AUTS2: variants seen among roughly 807,000 people sequenced by gnomAD.
The protein encoded by AUTS2 is activator of transcription and developmental regulator AUTS2, also known as autism susceptibility gene 2 protein.
Under a neutral mutation model 112.4 loss-of-function variants are expected in AUTS2, and 17 were observed. That is an observed-to-expected ratio of 0.15 (90% CI 0.10 to 0.23). AUTS2 has a LOEUF of 0.23. Among genes scored for constraint, AUTS2 ranks in the 10% least tolerant of loss-of-function variants. AUTS2 has a pLI of 1.00. For synonymous variants in AUTS2, 751 were observed against 702.7 expected (o/e 1.07, Z -1.09); for missense variants, 1,510 against 1,701.6 (o/e 0.89, Z 1.98).
chr7:70,053,657 A>G (rs1801863272), intron 2 of AUTS2, among the ~76,000 whole-genome samples: 1 of 151,092 alleles, frequency 6.6e-6, no homozygotes, highest in Non-Finnish European at 1.5e-5. Flanking sequence ...CTTCCACCTC[A>G]TCCTCTTGAA....
chr7:70,625,822 G>A (rs1046483425), intron 5 of AUTS2, among the ~76,000 whole-genome samples: 3 of 152,170 alleles, frequency 2.0e-5, no homozygotes, highest in Admixed American at 6.6e-5. Flanking sequence ...TTAATTGGTG[G>A]TTTTAAACTA....
chr7:69,639,073 CCTT>C (rs1165303194), intron 1 of AUTS2, among the ~76,000 whole-genome samples: 8 of 152,100 alleles, frequency 5.3e-5, no homozygotes, highest in African/African-American at 1.9e-4. Context: ...AGCCTTTCCC[CCTT>C]CTTAGTGAAT....
intron 1 of AUTS2, chr7:69,825,948 G>A (rs543610434): frequency 3.7e-4 from 57 of 152,304 alleles, no homozygotes; most frequent in African/African-American, 1.3e-3. Context: ...TTGTGGTTCT[G>A]CACTCCAACT....
intron 5 of AUTS2, among the ~76,000 whole-genome samples, chr7:70,586,318 C>G (rs930336943): frequency 1.3e-5 from 2 of 152,162 alleles, no homozygotes; most frequent in Non-Finnish European, 2.9e-5. Flanking sequence ...ATTTCTCCAG[C>G]TATATGGTGG....
At chr7:69,802,775 C>T (rs1790141363) in intron 1 of AUTS2, among the ~76,000 whole-genome samples, 1 of 152,120 alleles carries the variant, frequency 6.6e-6, no homozygotes, top group African/African-American at 2.4e-5. Flanking sequence ...TTTAATGCTC[C>T]TTAGGACTTG....
chr7:70,560,470 T>C (rs1303675926), intron 5 of AUTS2, among the ~76,000 whole-genome samples: 1 of 152,264 alleles, frequency 6.6e-6, no homozygotes, highest in Non-Finnish European at 1.5e-5. Context: ...ATGTTTGGGC[T>C]GGAAGCAAAT....
chr7:69,955,252 C>G (rs1797168949), intron 2 of AUTS2, among the ~76,000 whole-genome samples: 1 of 152,032 alleles, frequency 6.6e-6, no homozygotes, highest in African/African-American at 2.4e-5. Flanking sequence ...CTTTACAGAC[C>G]ATTATCTCTT....
chr7:70,650,993 G>A (rs563298996), intron 5 of AUTS2, among the ~76,000 whole-genome samples: 2 of 152,308 alleles, frequency 1.3e-5, no homozygotes, highest in South Asian at 2.1e-4. Flanking sequence ...GAGGAAGTCC[G>A]AATGGGATGA....
rs180966786 is a variant in AUTS2 at position 70,288,141 on chromosome 7, G to A, written c.661-147611G>A. 3.9e-4 allele frequency among the ~76,000 whole-genome samples: 60 copies of A among 152,218 alleles called. No individual in the cohort carries two copies. The East Asian group carries it at 8.7e-3, about 22-fold the overall frequency. ...TTAAGAGCTCTACCAGGCCAGACGC[G>A]GTGACTCACGCCTGTAATCCCAGCA... On this transcript the variant is annotated intron_variant, in intron 4 of 18. Coordinates refer to ENST00000342771, the MANE Select transcript of AUTS2 (RefSeq NM_015570.4).
intron 5 of AUTS2, among the ~76,000 whole-genome samples, chr7:70,513,255 T>G (rs1799274574): frequency 1.3e-5 from 2 of 152,174 alleles, no homozygotes; most frequent in South Asian, 4.1e-4. Context: ...TAATCAAGAT[T>G]TATGAAACCT....
intron 4 of AUTS2, among the ~76,000 whole-genome samples, chr7:70,430,897 G>C (rs1447648355): frequency 6.8e-6 from 1 of 147,296 alleles, no homozygotes; most frequent in Non-Finnish European, 1.5e-5. Context: ...GTGCAGTGGC[G>C]GGATCTCGGC....
intron 4 of AUTS2, among the ~76,000 whole-genome samples, chr7:70,267,503 G>A (rs1051062594): frequency 1.3e-5 from 2 of 152,168 alleles, no homozygotes; most frequent in African/African-American, 2.4e-5. Flanking sequence ...ACGATAATAG[G>A]ACATGAATGG....
chr7:69,823,582 G>A (rs1791099098), intron 1 of AUTS2, among the ~76,000 whole-genome samples: 1 of 152,176 alleles, frequency 6.6e-6, no homozygotes, highest in Admixed American at 6.5e-5. Flanking sequence ...CTTAACTGTT[G>A]AGTGCTCTTT....
At chr7:69,893,026 A>G (rs1794594357) in intron 1 of AUTS2, among the ~76,000 whole-genome samples, 1 of 152,066 alleles carries the variant, frequency 6.6e-6, no homozygotes, top group African/African-American at 2.4e-5. Context: ...TCCTCCTCTA[A>G]CCTACTTTAC....
chr7:69,659,893 GTTAGCTTCCCATGTTCCC>G (rs1795718460), intron 1 of AUTS2, among the ~76,000 whole-genome samples: 1 of 152,082 alleles, frequency 6.6e-6, no homozygotes, highest in Non-Finnish European at 1.5e-5. Flanking sequence ...CATCTGATTT[GTTAGCTTCCCATGTTCCC>G]TTAGCTTCCC....
chr7:69,619,361 A>T (rs1425118194), intron 1 of AUTS2, among the ~76,000 whole-genome samples: 1 of 152,122 alleles, frequency 6.6e-6, no homozygotes, highest in Non-Finnish European at 1.5e-5. Context: ...AGTGTTTGAG[A>T]TGAGTGAAAG....
intron 1 of AUTS2, among the ~76,000 whole-genome samples, chr7:69,746,743 G>A (rs1049058655): frequency 5.3e-5 from 8 of 152,134 alleles, no homozygotes; most frequent in African/African-American, 1.4e-4. Flanking sequence ...GACCTTGTAG[G>A]TACTATAAGG....
chr7:70,408,096 G>T (rs529519183), intron 4 of AUTS2, among the ~76,000 whole-genome samples: 10 of 150,284 alleles, frequency 6.7e-5, no homozygotes, highest in Non-Finnish European at 1.5e-4. Flanking sequence ...TGGGAGGATC[G>T]CTTGAGCCCA....
Position 70,373,492 on chromosome 7 carries a change from C to T in AUTS2, c.661-62260C>T, listed in dbSNP as rs142214550. On this transcript the variant is annotated intron_variant, in intron 4 of 18. Transcript: ENST00000342771. ...CATTCCTCCTACTACTGAGAATTTG[C>T]TTGTTTATAAATGCAGGGGTAGGCA... Among the ~76,000 whole-genome samples the T allele has an allele frequency of 7.3e-4, 111 of 152,120 alleles. No homozygotes were observed. The East Asian group carries it at 0.012, about 16-fold the overall frequency.
Sources: gnomAD v4.1 joint callset for allele counts (sites outside exome capture counted in the v4.1 genomes callset) on GRCh38, gnomAD v4.1.1 for gene constraint, MANE v1.5 for transcripts, NCBI Gene and HGNC (gene_info 2026-07-23, HGNC 2026-07-21) for gene names.